LMNTD1: variants seen among roughly 807,000 people sequenced by gnomAD.
LMNTD1 encodes the protein lamin tail domain-containing protein 1.
LMNTD1 carries 35 observed loss-of-function variants against 50.9 expected under a neutral mutation model. The ratio of observed to expected loss-of-function variants is 0.69; its 90% CI spans 0.53 to 0.91. The LOEUF (loss-of-function observed/expected upper bound fraction) is 0.91, where lower values mean the gene tolerates loss of function less well. Ranked by LOEUF, LMNTD1 falls within the 40% of genes least tolerant of loss-of-function variation. The pLI is 0.00. For synonymous variants in LMNTD1, 153 were observed against 161.9 expected (o/e 0.94, Z 0.42); for missense variants, 470 against 475.5 (o/e 0.99, Z 0.11).
chr12:25,506,591 A>C (rs1939802818), intron 8 of LMNTD1, among the ~76,000 whole-genome samples: 1 of 151,964 alleles, frequency 6.6e-6, no homozygotes, highest in African/African-American at 2.4e-5. Context: ...CTCTAGGTGT[A>C]GGATGAATAA....
chr12:25,526,693 T>C, intron 5 of LMNTD1, 76 bp downstream of exon 5: 2 of 989,520 alleles, frequency 2.0e-6, no homozygotes, highest in Non-Finnish European at 3.0e-6. Context: ...GAGACAGTGC[T>C]GAGCCACAGA....
intron 1 of LMNTD1, among the ~76,000 whole-genome samples, chr12:25,589,456 T>C (rs1945632332): frequency 6.6e-6 from 1 of 152,316 alleles, no homozygotes; most frequent in Admixed American, 6.5e-5. Flanking sequence ...TTGCCTTTTA[T>C]AGGGGCTGGG....
intron 1 of LMNTD1, among the ~76,000 whole-genome samples, chr12:25,625,752 T>C (rs1197625103): frequency 6.6e-6 from 1 of 152,168 alleles, no homozygotes; most frequent in Non-Finnish European, 1.5e-5. Context: ...GGCTGGGGTT[T>C]GTTGAAACCC....
chr12:25,625,564 C>T (rs1393857086), intron 1 of LMNTD1, among the ~76,000 whole-genome samples: 1 of 152,168 alleles, frequency 6.6e-6, no homozygotes, highest in Non-Finnish European at 1.5e-5. Flanking sequence ...GTTCTAGAAC[C>T]TTCCATGCCT....
intron 2 of LMNTD1, among the ~76,000 whole-genome samples, chr12:25,551,496 C>T (rs1943741773): frequency 6.6e-6 from 1 of 152,046 alleles, no homozygotes; most frequent in African/African-American, 2.4e-5. Context: ...TTCAAGTGAT[C>T]CTCCCGCCTC....
chr12:25,631,683 C>T (rs912461179), intron 1 of LMNTD1, among the ~76,000 whole-genome samples: 1 of 152,172 alleles, frequency 6.6e-6, no homozygotes, highest in Non-Finnish European at 1.5e-5. Flanking sequence ...TCTGACAGAG[C>T]CTACCCAAAT....
At chr12:25,643,146 G>A (rs1262712707) in intron 1 of LMNTD1, among the ~76,000 whole-genome samples, 1 of 152,166 alleles carries the variant, frequency 6.6e-6, no homozygotes, top group East Asian at 1.9e-4. Flanking sequence ...ATTTTAGATT[G>A]TAATAAGAGT....
At chr12:25,527,670 A>ATATATATATATATAT in intron 4 of LMNTD1, among the ~76,000 whole-genome samples, 1 of 21,394 alleles carries the variant, frequency 4.7e-5, no homozygotes, top group African/African-American at 1.1e-4. Flanking sequence ...ATATATATAT[A>ATATATATATATATAT]TATATATATA....
intron 1 of LMNTD1, among the ~76,000 whole-genome samples, chr12:25,591,165 C>G (rs897571197): frequency 1.4e-5 from 2 of 140,652 alleles, no homozygotes; most frequent in Non-Finnish European, 3.3e-5. Context: ...CATTTCTGGA[C>G]CTGCCCTAGG....
intron 4 of LMNTD1, among the ~76,000 whole-genome samples, chr12:25,532,822 T>C (rs1377330859): frequency 6.6e-6 from 1 of 152,202 alleles, no homozygotes; most frequent in Non-Finnish European, 1.5e-5. Flanking sequence ...CTTTGTGTCA[T>C]CCTCATCTTA....
intron 1 of LMNTD1, among the ~76,000 whole-genome samples, chr12:25,634,216 G>T (rs886853715): frequency 6.6e-6 from 1 of 152,096 alleles, no homozygotes; most frequent in African/African-American, 2.4e-5. Context: ...AAAAGTCCAG[G>T]ACTAGATGGA....
chr12:25,479,908 T>C (rs1159195266), intron 9 of LMNTD1, among the ~76,000 whole-genome samples: 1 of 152,206 alleles, frequency 6.6e-6, no homozygotes, highest in Non-Finnish European at 1.5e-5. Context: ...GCAGTGGCCG[T>C]AGCCATGTCA....
intron 1 of LMNTD1, among the ~76,000 whole-genome samples, chr12:25,643,435 G>A (rs183607746): frequency 6.6e-6 from 1 of 152,272 alleles, no homozygotes. Context: ...AGGTTAACAA[G>A]GGCCGGATGA....
At chr12:25,481,323 A>G (rs1197883647) in intron 9 of LMNTD1, among the ~76,000 whole-genome samples, 1 of 152,030 alleles carries the variant, frequency 6.6e-6, no homozygotes, top group Non-Finnish European at 1.5e-5. Flanking sequence ...TCCCATCACT[A>G]AAGTACAAGC....
chr12:25,535,502 A>C (rs1015708658), intron 4 of LMNTD1, among the ~76,000 whole-genome samples: 1 of 152,156 alleles, frequency 6.6e-6, no homozygotes, highest in Non-Finnish European at 1.5e-5. Flanking sequence ...ATTTGAAGAA[A>C]TTTACACCAG....
chr12:25,620,096 A>G (rs1946439250), intron 1 of LMNTD1, among the ~76,000 whole-genome samples: 2 of 152,346 alleles, frequency 1.3e-5, no homozygotes, highest in South Asian at 4.1e-4. Context: ...AGTGTACTAC[A>G]CTAAAAGAAC....
intron 1 of LMNTD1, among the ~76,000 whole-genome samples, chr12:25,606,813 C>T (rs1437554919): frequency 3.9e-5 from 6 of 152,044 alleles, no homozygotes; most frequent in Admixed American, 3.9e-4. Flanking sequence ...TGTGTCTCTG[C>T]CAGGCTTTGG....
At chr12:25,506,586 G>A (rs1939802023) in intron 8 of LMNTD1, among the ~76,000 whole-genome samples, 1 of 151,808 alleles carries the variant, frequency 6.6e-6, no homozygotes, top group African/African-American at 2.4e-5. Context: ...ATTCTCTCTA[G>A]GTGTAGGATG....
chr12:25,580,122 G>A (rs1945217092), intron 1 of LMNTD1, among the ~76,000 whole-genome samples: 1 of 152,142 alleles, frequency 6.6e-6, no homozygotes, highest in Non-Finnish European at 1.5e-5. Context: ...GTTCAGTTTA[G>A]TTGTGTCCTC....
Sources: allele counts gnomAD v4.1 joint callset (sites outside exome capture counted in the v4.1 genomes callset), GRCh38; gene constraint gnomAD v4.1.1; transcripts MANE v1.5; gene names NCBI Gene and HGNC (gene_info 2026-07-23, HGNC 2026-07-21).